Variants in MAEL observed in about 807,000 individuals in gnomAD.
MAEL encodes maelstrom spermatogenic transposon silencer, also known as protein maelstrom homolog.
MAEL carries 46 observed loss-of-function variants against 62.0 expected under a neutral mutation model. The ratio of observed to expected loss-of-function variants is 0.74; its 90% CI spans 0.59 to 0.95. MAEL has a LOEUF of 0.95. Ranked by LOEUF, MAEL falls within the 40% of genes least tolerant of loss-of-function variation. The pLI, the probability that MAEL is intolerant of heterozygous loss-of-function variation, is 0.00. For missense variants in MAEL, 497 were observed against 526.8 expected (o/e 0.94, Z 0.55); for synonymous variants, 172 against 175.5 (o/e 0.98, Z 0.16).
At chr1:166,985,904 T>G (rs1363521684), upstream of MAEL, among the ~76,000 whole-genome samples, 3 of 152,228 alleles carry the variant, frequency 2.0e-5, no homozygotes, top group East Asian at 5.8e-4. Flanking sequence ...ATAATTATAT[T>G]ACATGTTGCA....
In MAEL at chr1:166,999,625, T is replaced by C. The variant is rs568620268; in HGVS notation, c.524-4555T>C. Among the ~76,000 whole-genome samples the C allele has an allele frequency of 3.9e-5, 6 of 152,312 alleles. No homozygotes were observed. The South Asian group carries it at 1.2e-3, about 32-fold the overall frequency. Reference sequence around the variant, plus strand: ...CAGAGGATCTAGCAAAGATAACTGATCAAGGTGGCTACAGCAAATGGCAGA... The same window carrying C: ...CAGAGGATCTAGCAAAGATAACTGACCAAGGTGGCTACAGCAAATGGCAGA... On this transcript the variant is annotated intron_variant, in intron 5 of 11. Transcript: ENST00000367872.
intron 5 of MAEL, among the ~76,000 whole-genome samples, chr1:166,998,379 C>A (rs1241587651): frequency 6.6e-6 from 1 of 152,204 alleles, no homozygotes; most frequent in East Asian, 1.9e-4. Context: ...GTTGCTGTTA[C>A]AAATGATATC....
chr1:166,983,113 T>C (rs1485380534), intron 1 of MAEL, among the ~76,000 whole-genome samples: 3 of 152,240 alleles, frequency 2.0e-5, no homozygotes, highest in Non-Finnish European at 2.9e-5. Context: ...TAATAGTTTA[T>C]TTATTTATTA....
chr1:167,016,341 G>A, intron 9 of MAEL, 57 bp downstream of exon 9: 1 of 1,549,720 alleles, frequency 6.5e-7, no homozygotes, highest in Admixed American at 1.7e-5. Context: ...ATTATTCTGT[G>A]CCGTTTTGCT....
At chr1:166,976,931 C>G (rs1438223356) in intron 1 of MAEL, among the ~76,000 whole-genome samples, 1 of 152,218 alleles carries the variant, frequency 6.6e-6, no homozygotes, top group Non-Finnish European at 1.5e-5. Flanking sequence ...CCTGACCATC[C>G]CAGCTGGAAT....
In MAEL at chr1:167,021,854, A is replaced by G; in HGVS notation, c.1304A>G (p.Ter435=). 1 of 1,598,098 alleles carries G rather than the reference A, an allele frequency of 6.3e-7. No homozygotes were observed. The highest frequency in any genetic ancestry group is 8.6e-7 in the Non-Finnish European group (1 of 1,168,662). Reference sequence around the variant, plus strand: ...TACAAATCTTTCTCTTCCTTATCTTAATGATGGTACTCTTTTCAATTTCTG... The same window carrying G: ...TACAAATCTTTCTCTTCCTTATCTTGATGATGGTACTCTTTTCAATTTCTG... The part of the protein sequence containing the change: ...DGYKSFSSLS[*] The change falls in exon 12 of 12, where the codon TAA becomes TGA. Residue 435 remains the stop codon, a stop_retained_variant. Transcript: ENST00000367872.
chr1:167,014,373 C>T (rs1665291594), intron 8 of MAEL, among the ~76,000 whole-genome samples: 1 of 152,116 alleles, frequency 6.6e-6, no homozygotes, highest in Non-Finnish European at 1.5e-5. Flanking sequence ...TGATACTTAG[C>T]AGGATTGGAG....
At chr1:166,989,223 G>T (rs150046632), upstream of MAEL, 18 of 1,245,096 alleles carry the variant, frequency 1.4e-5, no homozygotes, top group South Asian at 2.0e-4. Context: ...GCGACTGCGC[G>T]TCGCTTCCTG....
At position 167,013,964 on chromosome 1, in the gene MAEL, T is replaced by C. The variant is rs1665276672; in HGVS notation, c.846-2258T>C. 3.3e-5 allele frequency among the ~76,000 whole-genome samples: 5 copies of C among 152,176 alleles called. No homozygotes were observed. The South Asian group carries it at 1.0e-3, about 32-fold the overall frequency. The stretch of plus-strand genomic sequence containing the variant: ...TTCTTTTTACAGAAGTTCAGCCTCA[T>C]GTCTTCTCTTTCTGCTCTGAGTAGA... On this transcript the variant is annotated intron_variant, in intron 8 of 11. Transcript: ENST00000367872.
At chr1:167,017,087 T>C (rs1439068696) in intron 9 of MAEL, among the ~76,000 whole-genome samples, 1 of 152,190 alleles carries the variant, frequency 6.6e-6, no homozygotes, top group Non-Finnish European at 1.5e-5. Flanking sequence ...ACAGAGTGAC[T>C]ATAGTCAATA....
Position 166,994,021 on chromosome 1 carries a change from A to G in MAEL, c.482-7A>G, listed in dbSNP as rs1293948870. 1 of 1,612,260 alleles carries G rather than the reference A, an allele frequency of 6.2e-7. No homozygotes were observed. The highest frequency in any genetic ancestry group is 1.7e-5 in the Admixed American group (1 of 59,936). ...TTTGCTTCTCAACAAGATATTTTGTATTATAGGTGAAATTCCACGAGGATT... is the reference window on the plus strand; with the variant it reads ...TTTGCTTCTCAACAAGATATTTTGTGTTATAGGTGAAATTCCACGAGGATT... On this transcript the variant is annotated splice_polypyrimidine_tract_variant and splice_region_variant and intron_variant, in intron 4 of 11. Transcript: ENST00000367872.
At position 167,017,893 on chromosome 1, in the gene MAEL, A is replaced by G; in HGVS notation, c.975A>G (p.Leu325=). The G allele has an allele frequency of 6.2e-7, 1 of 1,613,402 alleles. No homozygotes were observed. The highest frequency in any genetic ancestry group is 8.5e-7 in the Non-Finnish European group (1 of 1,179,568). ...GIQLTEAHVP[L]QDYEASNSVT... is the part of the protein sequence containing the mutation. Reference sequence around the variant, plus strand: ...AGCTCACAGAGGCTCATGTACCACTACAAGATTATGAGGCCAGCAATAGTG... The same window carrying G: ...AGCTCACAGAGGCTCATGTACCACTGCAAGATTATGAGGCCAGCAATAGTG... Residue 325 remains leucine, a synonymous_variant, in exon 10 of 12, where the codon CTA becomes CTG. Coordinates refer to ENST00000367872, the MANE Select transcript of MAEL (RefSeq NM_032858.3).
At chr1:167,014,529 C>G (rs1385336261) in intron 8 of MAEL, among the ~76,000 whole-genome samples, 1 of 152,030 alleles carries the variant, frequency 6.6e-6, no homozygotes, top group Non-Finnish European at 1.5e-5. Flanking sequence ...TGGTAGAATT[C>G]CAAAAGAGTT....
rs72689326 is a variant in MAEL at position 166,994,441 on chromosome 1, C to A, written c.523+372C>A. On this transcript the variant is annotated intron_variant, in intron 5 of 11. Coordinates refer to ENST00000367872, the MANE Select transcript of MAEL (RefSeq NM_032858.3). ...ATAAGTTAATACTTCAAAAATAAAA[C>A]GAGTTCTGAATTTTTTAGATAAGGA... Among the ~76,000 whole-genome samples the A allele has an allele frequency of 2.0e-5, 3 of 152,090 alleles. No homozygotes were observed. In the East Asian group the frequency reaches 5.8e-4, roughly 29 times the overall value.
chr1:167,001,109 G>A (rs762089704), intron 5 of MAEL, among the ~76,000 whole-genome samples: 6 of 152,156 alleles, frequency 3.9e-5, no homozygotes, highest in Non-Finnish European at 5.9e-5. Flanking sequence ...GATGGCATTC[G>A]CAGCAACCTG....
chr1:166,993,816 T>C (rs1181444419), intron 4 of MAEL, among the ~76,000 whole-genome samples: 1 of 152,236 alleles, frequency 6.6e-6, no homozygotes, highest in African/African-American at 2.4e-5. Flanking sequence ...AGGAGTAACT[T>C]ACTTTTAAAA....
At chr1:167,007,999 T>C (rs1209902689) in intron 8 of MAEL, among the ~76,000 whole-genome samples, 1 of 152,178 alleles carries the variant, frequency 6.6e-6, no homozygotes, top group East Asian at 1.9e-4. Flanking sequence ...CTAATTTAGC[T>C]TTTGAATGTC....
In MAEL at chr1:166,989,767, G is replaced by A. The variant is rs1465435577; in HGVS notation, c.163G>A (p.Ala55Thr). 6.2e-7 allele frequency: 1 copy of A among 1,613,952 alleles called. No homozygotes were observed. The highest frequency in any genetic ancestry group is 1.3e-5 in the African/African-American group (1 of 75,014). The change falls in exon 2 of 12, where the codon GCA (alanine) becomes ACA (threonine). Residue 55 changes from alanine (A) to threonine (T), a missense_variant. Physicochemically the swap from Ala to Thr is moderately conservative, Grantham distance 58. Transcript: ENST00000367872. ...GAGGGAGGAAGAAAAGGAGAAATACGCAGAAATGGCTCGAGAATGGAGGGC... is the reference window on the plus strand; with the variant it reads ...GAGGGAGGAAGAAAAGGAGAAATACACAGAAATGGCTCGAGAATGGAGGGC... ...LLREEEKEKY[A>T]EMAREWRAAQ...
chr1:166,988,029 C>G (rs898347597), upstream of MAEL, among the ~76,000 whole-genome samples: 1 of 152,124 alleles, frequency 6.6e-6, no homozygotes, highest in Non-Finnish European at 1.5e-5. Context: ...TAGGCTGCAT[C>G]GTTAGAAAAC....
Sources: allele counts gnomAD v4.1 joint callset (sites outside exome capture counted in the v4.1 genomes callset), GRCh38; gene constraint gnomAD v4.1.1; transcripts MANE v1.5; gene names NCBI Gene and HGNC (gene_info 2026-07-23, HGNC 2026-07-21).